NHSL2: variants seen among roughly 807,000 people sequenced by gnomAD.
The protein encoded by NHSL2 is NHS like 2.
A neutral mutation model predicts 53.4 loss-of-function variants in NHSL2; 27 were observed. The observed-to-expected ratio is 0.51, with a 90% CI of 0.37 to 0.70. The LOEUF (loss-of-function observed/expected upper bound fraction) is 0.70. Ranked by LOEUF, NHSL2 falls within the 30% of genes least tolerant of loss-of-function variation. The pLI, the probability that NHSL2 is intolerant of heterozygous loss-of-function variation, is 0.00. For missense variants in NHSL2, 892 were observed against 980.1 expected, an observed-to-expected ratio of 0.91 and a Z score of 1.20; for synonymous variants, 408 against 404.1, an observed-to-expected ratio of 1.01 and a Z score of -0.12.
intron 1 of NHSL2, among the ~76,000 whole-genome samples, chrX:71,970,052 T>G (rs939919993): frequency 8.9e-6 from 1 of 112,511 alleles, no homozygotes; most frequent in Non-Finnish European, 1.9e-5. Flanking sequence ...TTTATTCTAA[T>G]GATTTTTAAT....
intron 1 of NHSL2, among the ~76,000 whole-genome samples, chrX:72,008,112 T>A (rs1462669544): frequency 1.8e-5 from 2 of 113,052 alleles, no homozygotes; most frequent in Non-Finnish European, 3.7e-5. Flanking sequence ...TTCCATTTTT[T>A]CTTCCCTTTC....
intron 1 of NHSL2, among the ~76,000 whole-genome samples, chrX:72,103,243 A>G (rs1752030830): frequency 9.0e-6 from 1 of 111,056 alleles, no homozygotes; most frequent in South Asian, 3.8e-4. Flanking sequence ...GGTTCTCACC[A>G]TATTATGCAT....
At position 72,138,551 on chromosome X, in the gene NHSL2, G is replaced by T; in HGVS notation, c.1003G>T (p.Ala335Ser). ...TGGAAGAGTTGCAGTTGGTCAGGAT[G>T]CTCGGTTCCCAAGTCTCACCTCGCC... is the stretch of plus-strand genomic sequence containing the variant. Reference protein sequence around the residue: ...VHGRVAVGQDARFPSLTSPVL... With the variant: ...VHGRVAVGQDSRFPSLTSPVL... The change falls in exon 6 of 8, where the codon GCT (alanine) becomes TCT (serine). Residue 335 changes from alanine to serine, a missense_variant. Ala to Ser is a moderately conservative substitution (Grantham distance 99). Coordinates refer to ENST00000633930, the MANE Select transcript of NHSL2 (RefSeq NM_001013627.3). 1 of 1,167,317 alleles carries T rather than the reference G, an allele frequency of 8.6e-7. No homozygotes were observed. The highest frequency in any genetic ancestry group is 1.1e-6 in the Non-Finnish European group (1 of 872,573).
intron 1 of NHSL2, among the ~76,000 whole-genome samples, chrX:71,997,645 G>A (rs749514243): frequency 2.7e-5 from 3 of 112,251 alleles, no homozygotes; most frequent in Non-Finnish European, 5.6e-5. Context: ...ACTGCTGTGC[G>A]ATCTTGGGTA....
At position 72,143,461 on chromosome X, in the gene NHSL2, C is replaced by T; in HGVS notation, c.3565C>T (p.Pro1189Ser). The T allele has an allele frequency of 8.6e-7, 1 of 1,166,076 alleles. No individual in the cohort carries two copies. Among genetic ancestry groups the T allele is most frequent in the Non-Finnish European group, 1.1e-6 (1 of 871,456 alleles). Reference sequence around the variant, plus strand: ...ACAGAAGAAGGGAAGTAAGGCAACTCCAAGGTCTCGTCCCTCAGCAGCTGA... The same window carrying T: ...ACAGAAGAAGGGAAGTAAGGCAACTTCAAGGTCTCGTCCCTCAGCAGCTGA... ...LLQKKGSKAT[P>S]RSRPSAAELL... Residue 1189 changes from proline to serine, a missense_variant, in exon 8 of 8, where the codon CCA (proline) becomes TCA (serine). Pro to Ser is a moderately conservative substitution (Grantham distance 74). Coordinates refer to ENST00000633930, the MANE Select transcript of NHSL2 (RefSeq NM_001013627.3).
At chrX:71,995,673 A>G (rs2042046957) in intron 1 of NHSL2, among the ~76,000 whole-genome samples, 1 of 112,137 alleles carries the variant, frequency 8.9e-6, no homozygotes, top group South Asian at 3.7e-4. Flanking sequence ...ATCTTATTAT[A>G]GAATAACACC....
chrX:72,148,483 C>G lies in NHSL2; in HGVS notation c.*4909C>G, dbSNP rs2042480672. On this transcript the variant is annotated 3_prime_UTR_variant, in exon 8 of 8. Transcript: ENST00000633930. ...TTGCATGTATTTCAGCTACAAGTGACAAGGATATTAGGGATTTAAAAGGAT... is the reference window on the plus strand; with the variant it reads ...TTGCATGTATTTCAGCTACAAGTGAGAAGGATATTAGGGATTTAAAAGGAT... 1 of 110,917 alleles carries G rather than the reference C, an allele frequency of 9.0e-6. No homozygotes were observed. Among genetic ancestry groups the G allele is most frequent in the African/African-American group, 3.3e-5 (1 of 30,418 alleles). 9.1% of individuals were successfully genotyped at this position (110,917 alleles called of 1,213,427 possible).
intron 1 of NHSL2, chrX:72,079,756 G>A (rs1394398947): frequency 3.5e-5 from 4 of 113,018 alleles, no homozygotes; most frequent in Non-Finnish European, 7.5e-5. Context: ...CGCTGACTCA[G>A]ACAGCCAGTT....
chrX:72,116,018 T>G (rs1264365035), intron 1 of NHSL2, among the ~76,000 whole-genome samples: 2 of 111,507 alleles, frequency 1.8e-5, no homozygotes, highest in Admixed American at 1.9e-4. Context: ...ACACTCAAGC[T>G]TGAGACCCCC....
intron 1 of NHSL2, chrX:72,044,810 G>A (rs907591586): frequency 1.1e-5 from 12 of 1,121,494 alleles, no homozygotes; most frequent in Middle Eastern, 3.4e-4. Flanking sequence ...AATCGATCTC[G>A]TGAAGCCTGC....
At chrX:72,116,824 G>A (rs2042143122) in intron 1 of NHSL2, among the ~76,000 whole-genome samples, 1 of 111,621 alleles carries the variant, frequency 9.0e-6, no homozygotes, top group Non-Finnish European at 1.9e-5. Context: ...CCTCAGGGAG[G>A]GAGAAAGAAT....
chrX:72,052,185 G>A (rs1429968753), intron 1 of NHSL2, among the ~76,000 whole-genome samples: 2 of 111,993 alleles, frequency 1.8e-5, no homozygotes, highest in Non-Finnish European at 3.8e-5. Context: ...AGCCAGATGA[G>A]GCTCCTGGCT....
At chrX:72,067,947 T>C (rs2147944866) in intron 1 of NHSL2, among the ~76,000 whole-genome samples, 1 of 112,211 alleles carries the variant, frequency 8.9e-6, no homozygotes, top group African/African-American at 3.2e-5. Context: ...AGGGGTAATA[T>C]TCCAAACAGT....
intron 1 of NHSL2, among the ~76,000 whole-genome samples, chrX:71,992,641 G>C (rs746448046): frequency 8.9e-6 from 1 of 112,368 alleles, no homozygotes; most frequent in Non-Finnish European, 1.9e-5. Flanking sequence ...CAATTTTAGG[G>C]TTTTTTGTTT....
chrX:71,981,349 C>T (rs2041977639), intron 1 of NHSL2, among the ~76,000 whole-genome samples: 1 of 110,404 alleles, frequency 9.1e-6, no homozygotes, highest in Non-Finnish European at 1.9e-5. Context: ...AGTTCAAGAC[C>T]AACATGGCAA....
At chrX:72,052,476 C>T (rs372245145) in intron 1 of NHSL2, among the ~76,000 whole-genome samples, 1 of 112,534 alleles carries the variant, frequency 8.9e-6, no homozygotes, top group Non-Finnish European at 1.9e-5. Context: ...TCAGGCCAAC[C>T]GCCCTGGGAG....
chrX:72,080,640 C>T (rs1234264981), intron 1 of NHSL2, among the ~76,000 whole-genome samples: 1 of 110,069 alleles, frequency 9.1e-6, no homozygotes, highest in Non-Finnish European at 1.9e-5. Flanking sequence ...CTACTCTTGT[C>T]CCAGATTCTG....
rs192993640 is a variant in NHSL2, at chrX:72,038,267, A to G, written c.281-93812A>G. On this transcript the variant is annotated intron_variant, in intron 1 of 7. Coordinates refer to ENST00000633930, the MANE Select transcript of NHSL2 (RefSeq NM_001013627.3). Reference sequence around the variant, plus strand: ...TGCCCGCTGTGCAGGCCCTTAACAAAGGGGTATGGGTAAAAGGTTGAGGCA... The same window carrying G: ...TGCCCGCTGTGCAGGCCCTTAACAAGGGGGTATGGGTAAAAGGTTGAGGCA... Among the ~76,000 whole-genome samples, 568 of 112,338 alleles carry G rather than the reference A, an allele frequency of 5.1e-3. 4 individuals are homozygous for G. Among genetic ancestry groups the G allele is most frequent in the African/African-American group, 0.017 (531 of 30,946 alleles).
chrX:71,964,601 C>T (rs184085570), intron 1 of NHSL2, among the ~76,000 whole-genome samples: 1 of 111,666 alleles, frequency 9.0e-6, no homozygotes, highest in African/African-American at 3.3e-5. Context: ...AATTCTGGCA[C>T]CTTTGAAGCA....
Sources: allele counts gnomAD v4.1 joint callset (sites outside exome capture counted in the v4.1 genomes callset), GRCh38; gene constraint gnomAD v4.1.1; transcripts MANE v1.5; gene names NCBI Gene and HGNC (gene_info 2026-07-23, HGNC 2026-07-21).